Variants in DAB2IP observed in about 807,000 individuals in gnomAD.
DAB2IP encodes the protein disabled homolog 2-interacting protein.
Under a neutral mutation model 107.2 loss-of-function variants are expected in DAB2IP, and 28 were observed. The observed-to-expected ratio is 0.26, with a 90% CI of 0.19 to 0.36. DAB2IP has a LOEUF of 0.36. DAB2IP is among the 10% of genes least tolerant of loss of function. The pLI, the probability that DAB2IP is intolerant of heterozygous loss-of-function variation, is 1.00. For synonymous variants in DAB2IP, 755 were observed against 706.4 expected (o/e 1.07, Z -1.09); for missense variants, 1,400 against 1,644.7 (o/e 0.85, Z 2.57).
chr9:121,719,171 C>T (rs887876189), intron 3 of DAB2IP, among the ~76,000 whole-genome samples: 6 of 152,206 alleles, frequency 3.9e-5, no homozygotes, highest in African/African-American at 1.4e-4. Flanking sequence ...ATTCGCAAGG[C>T]CTTAGGATGA....
intron 1 of DAB2IP, among the ~76,000 whole-genome samples, chr9:121,585,577 C>T (rs190916905): frequency 1.3e-5 from 2 of 152,268 alleles, no homozygotes; most frequent in Admixed American, 6.5e-5. Flanking sequence ...ACAAGATTGG[C>T]TGGGCGCGGT....
intron 1 of DAB2IP, among the ~76,000 whole-genome samples, chr9:121,598,913 C>T (rs1368279615): frequency 1.3e-5 from 2 of 152,214 alleles, no homozygotes; most frequent in Non-Finnish European, 2.9e-5. Flanking sequence ...TATTCAGTCA[C>T]GCTTGCTGAA....
chr9:121,737,433 C>T lies in DAB2IP; in HGVS notation c.363-19580C>T, dbSNP rs116090901. On this transcript the variant is annotated intron_variant, in intron 3 of 15. Transcript: ENST00000408936. ...AGACACAGATTCAGCACGTGCCTTT[C>T]GGGAAGGGGAAGCCCTCCTAGGCTC... The T allele has an allele frequency of 9.2e-5, 91 of 985,436 alleles. No homozygotes were observed. The African/African-American group carries it at 1.4e-3, about 15-fold the overall frequency. The allele number at this position is 985,436 out of a possible 1,614,324, so 61.0% of individuals were successfully genotyped here.
chr9:121,626,310 G>T (rs961541835), intron 1 of DAB2IP, among the ~76,000 whole-genome samples: 6 of 151,792 alleles, frequency 4.0e-5, no homozygotes, highest in Non-Finnish European at 7.4e-5. Flanking sequence ...GTTTCCGGGG[G>T]TGAGGGCATC....
intron 1 of DAB2IP, among the ~76,000 whole-genome samples, chr9:121,627,339 C>G (rs1209515672): frequency 6.6e-6 from 1 of 151,892 alleles, no homozygotes; most frequent in African/African-American, 2.4e-5. Flanking sequence ...TTCAACCAGG[C>G]CCCCTGTGAT....
Position 121,633,352 on chromosome 9 carries a change from G to A in DAB2IP, c.41-45326G>A, listed in dbSNP as rs945669256. Among the ~76,000 whole-genome samples, 9 of 152,110 alleles carry A rather than the reference G, an allele frequency of 5.9e-5. No homozygotes were observed. The highest frequency in any genetic ancestry group is 1.2e-4 in the Non-Finnish European group (8 of 68,028). On this transcript the variant is annotated intron_variant, in intron 1 of 16. Transcript: ENST00000259371. The surrounding 1 kb of genome is among the most constrained non-coding windows in gnomAD (Gnocchi z 5.1). ...GAGGGCCTTGTTCTCTCTTGTCAGA[G>A]CCAGGGGTTGTGTCTTTGCCCACTG... is the stretch of plus-strand genomic sequence containing the variant.
chr9:121,695,351 G>C (rs1829368423), intron 2 of DAB2IP, among the ~76,000 whole-genome samples: 1 of 152,126 alleles, frequency 6.6e-6, no homozygotes, highest in Non-Finnish European at 1.5e-5. Flanking sequence ...CATCAGTATT[G>C]GTTGCAATAA....
chr9:121,676,510 CCTT>C (rs935643937), intron 1 of DAB2IP, among the ~76,000 whole-genome samples: 8 of 152,210 alleles, frequency 5.3e-5, no homozygotes, highest in Admixed American at 3.9e-4. Flanking sequence ...TCTGCCCTGT[CCTT>C]CTTCTCCCTT....
At chr9:121,752,772 T>C (rs1440717733) in intron 3 of DAB2IP, 1 of 152,162 alleles carries the variant, frequency 6.6e-6, no homozygotes, top group African/African-American at 2.4e-5. Flanking sequence ...AGGGGATCCC[T>C]TCACCCCCAC....
At chr9:121,568,018 C>A (rs1829849192) in intron 1 of DAB2IP, among the ~76,000 whole-genome samples, 3 of 152,066 alleles carry the variant, frequency 2.0e-5, no homozygotes, top group Non-Finnish European at 2.9e-5. Context: ...GGGGGTGGGG[C>A]AGCAGGTTTT....
rs1317573596 is a variant in DAB2IP, at chr9:121,760,206, G to T, written c.937G>T (p.Val313Leu). Residue 313 changes from valine to leucine, a missense_variant, in exon 6 of 16, where the codon GTG (valine) becomes TTG (leucine). Transcript: ENST00000408936. The surrounding 1 kb of genome is among the most constrained non-coding windows in gnomAD (Gnocchi z 5.9). ...GCAGTTCGTGGAGAAGTGGTACCCG[G>T]TGGTGACGCCCAACCCCAAGGGCGG... 1.2e-6 allele frequency: 2 copies of T among 1,613,678 alleles called. No homozygotes were observed. The highest frequency in any genetic ancestry group is 1.7e-6 in the Non-Finnish European group (2 of 1,180,018).
chr9:121,784,865 T>G (rs541651196), exon 16 of DAB2IP: 13 of 152,592 alleles, frequency 8.5e-5, no homozygotes, highest in African/African-American at 3.1e-4. Context: ...ACTGGGCCAG[T>G]CAACGGGGGG....
At chr9:121,743,632 C>G (rs1232655338) in intron 3 of DAB2IP, among the ~76,000 whole-genome samples, 1 of 152,162 alleles carries the variant, frequency 6.6e-6, no homozygotes, top group Non-Finnish European at 1.5e-5. Context: ...CTAGGCTGGC[C>G]GGGGCCAGCC....
At chr9:121,683,222 G>A (rs1027555884) in intron 2 of DAB2IP, among the ~76,000 whole-genome samples, 2 of 152,156 alleles carry the variant, frequency 1.3e-5, no homozygotes, top group African/African-American at 4.8e-5. Context: ...ACAGCATGCT[G>A]TTCTTTCTCT....
chr9:121,618,804 A>C (rs183699120), intron 1 of DAB2IP, among the ~76,000 whole-genome samples: 1 of 152,348 alleles, frequency 6.6e-6, no homozygotes, highest in Non-Finnish European at 1.5e-5. Context: ...CTCAGCAGAA[A>C]AGAGCATCAT....
intron 13 of DAB2IP, among the ~76,000 whole-genome samples, chr9:121,775,482 T>C (rs577721869): frequency 1.3e-5 from 2 of 152,318 alleles, no homozygotes; most frequent in East Asian, 3.9e-4. Context: ...GCTTTTTGCA[T>C]CCCTGTGTCC....
intron 3 of DAB2IP, among the ~76,000 whole-genome samples, chr9:121,708,286 AC>A (rs1292773911): frequency 6.6e-6 from 1 of 152,126 alleles, no homozygotes; most frequent in African/African-American, 2.4e-5. Flanking sequence ...ACTGGAGGAA[AC>A]CCAGTAACCA....
chr9:121,658,846 T>C (rs1029157950), intron 1 of DAB2IP, among the ~76,000 whole-genome samples: 3 of 152,180 alleles, frequency 2.0e-5, no homozygotes, highest in African/African-American at 7.2e-5. Context: ...TTATTGGGGA[T>C]GGGTTTTCCT....
intron 1 of DAB2IP, among the ~76,000 whole-genome samples, chr9:121,627,073 C>A (rs1347989999): frequency 6.6e-6 from 1 of 151,280 alleles, no homozygotes; most frequent in Non-Finnish European, 1.5e-5. Flanking sequence ...AAAATAAAAT[C>A]AAATATTATA....
Sources: allele counts gnomAD v4.1 joint callset (sites outside exome capture counted in the v4.1 genomes callset), GRCh38; gene constraint gnomAD v4.1.1; non-coding constraint Gnocchi (gnomAD v3.1); transcripts MANE v1.5; gene names NCBI Gene and HGNC (gene_info 2026-07-23, HGNC 2026-07-21).